The following ADCY8 variants were observed in gnomAD, a reference collection of about 807,000 sequenced individuals.
The protein encoded by ADCY8 is adenylate cyclase 8, also known as adenylate cyclase type 8.
Under a neutral mutation model 119.7 loss-of-function variants are expected in ADCY8, and 51 were observed. The observed-to-expected ratio is 0.43, with a 90% confidence interval of 0.34 to 0.54. ADCY8 has a LOEUF of 0.54. ADCY8 is among the 20% of genes least tolerant of loss of function. ADCY8 has a pLI of 0.03. For missense variants in ADCY8, 1,383 were observed against 1,598.8 expected (o/e 0.87, Z 2.30); for synonymous variants, 665 against 651.0 (o/e 1.02, Z -0.33).
At chr8:130,981,417 A>G (rs1327450991) in intron 2 of ADCY8, among the ~76,000 whole-genome samples, 1 of 152,194 alleles carries the variant, frequency 6.6e-6, no homozygotes, top group Non-Finnish European at 1.5e-5. Context: ...AGTGCCTTCA[A>G]CTGTATCAAG....
chr8:130,973,029 C>T (rs1217858636), intron 2 of ADCY8, among the ~76,000 whole-genome samples: 1 of 152,118 alleles, frequency 6.6e-6, no homozygotes, highest in East Asian at 1.9e-4. Flanking sequence ...AAACCCTTAA[C>T]ATGAAACAGA....
intron 14 of ADCY8, among the ~76,000 whole-genome samples, chr8:130,802,116 C>T (rs1378504427): frequency 1.3e-5 from 2 of 152,108 alleles, no homozygotes; most frequent in Non-Finnish European, 2.9e-5. Flanking sequence ...CCCTCACCCT[C>T]CTCCAATCAC....
At chr8:130,988,189 A>G (rs141789933) in intron 2 of ADCY8, among the ~76,000 whole-genome samples, 271 of 152,338 alleles carry the variant, frequency 1.8e-3, no homozygotes, top group African/African-American at 6.0e-3. Context: ...CTGTCCGTCT[A>G]TTACTGAGGA....
intron 13 of ADCY8, among the ~76,000 whole-genome samples, chr8:130,820,688 T>G (rs1400009123): frequency 6.6e-6 from 1 of 152,210 alleles, no homozygotes; most frequent in Non-Finnish European, 1.5e-5. Flanking sequence ...TTTTGTACAG[T>G]TCTGCCCACA....
At chr8:130,826,256 A>G (rs1484772827) in intron 12 of ADCY8, among the ~76,000 whole-genome samples, 1 of 152,242 alleles carries the variant, frequency 6.6e-6, no homozygotes, top group African/African-American at 2.4e-5. Flanking sequence ...ATGATAAATT[A>G]GAAAGAGACA....
intron 7 of ADCY8, among the ~76,000 whole-genome samples, chr8:130,889,063 T>C (rs1313998692): frequency 4.6e-5 from 7 of 152,140 alleles, no homozygotes; most frequent in African/African-American, 1.7e-4. Flanking sequence ...GCTTACATAG[T>C]TACAGCACTG....
chr8:130,856,137 C>T (rs532488737), intron 9 of ADCY8, among the ~76,000 whole-genome samples: 30 of 152,120 alleles, frequency 2.0e-4, no homozygotes, highest in African/African-American at 7.2e-4. Flanking sequence ...TCACTGTCAT[C>T]TCCTCTGGGA....
chr8:130,837,607 A>G (rs1817028286), intron 11 of ADCY8, among the ~76,000 whole-genome samples: 1 of 152,226 alleles, frequency 6.6e-6, no homozygotes, highest in African/African-American at 2.4e-5. Context: ...CTACCCCACC[A>G]GATTTCAGCC....
At chr8:130,826,441 C>T (rs1816669865) in intron 12 of ADCY8, among the ~76,000 whole-genome samples, 1 of 152,074 alleles carries the variant, frequency 6.6e-6, no homozygotes, top group Admixed American at 6.6e-5. Flanking sequence ...ATCTTTTCTC[C>T]ACCACATGGC....
chr8:130,981,774 A>G (rs1358704278), intron 2 of ADCY8, among the ~76,000 whole-genome samples: 3 of 152,234 alleles, frequency 2.0e-5, no homozygotes, highest in Admixed American at 6.5e-5. Context: ...TGTTGTTACT[A>G]GAATCAGAAT....
chr8:131,030,357 C>T (rs947172698), intron 1 of ADCY8, among the ~76,000 whole-genome samples: 8 of 152,200 alleles, frequency 5.3e-5, no homozygotes, highest in Middle Eastern at 3.2e-3. Context: ...TCCTTTTGCA[C>T]GCTCTTCTTT....
intron 1 of ADCY8, among the ~76,000 whole-genome samples, chr8:130,996,696 A>ATTTTT (rs1822787860): frequency 1.3e-5 from 2 of 152,156 alleles, no homozygotes; most frequent in African/African-American, 4.8e-5. Flanking sequence ...AATGGATTAG[A>ATTTTT]GCTAAATGTG....
intron 14 of ADCY8, among the ~76,000 whole-genome samples, chr8:130,800,797 C>T (rs972746571): frequency 5.9e-5 from 9 of 152,194 alleles, no homozygotes; most frequent in East Asian, 1.9e-4. Context: ...ATTTATTTCT[C>T]ACAGTTCTGG....
At chr8:130,856,669 T>C (rs554344876) in intron 9 of ADCY8, among the ~76,000 whole-genome samples, 1 of 152,306 alleles carries the variant, frequency 6.6e-6, no homozygotes, top group Admixed American at 6.5e-5. Flanking sequence ...TCGACATACA[T>C]AGCATATACA....
chr8:130,873,318 C>T (rs900421344), intron 8 of ADCY8, among the ~76,000 whole-genome samples: 15 of 152,020 alleles, frequency 9.9e-5, no homozygotes, highest in Admixed American at 7.9e-4. Context: ...TAACTGTACT[C>T]TGTCTTTTTT....
chr8:130,990,612 A>G, intron 1 of ADCY8, 70 bp from the exon 2 acceptor site: 1 of 1,553,472 alleles, frequency 6.4e-7, no homozygotes. Context: ...AAATACACAA[A>G]TAAATATGAA....
chr8:130,999,455 T>A (rs1563762021), intron 1 of ADCY8, among the ~76,000 whole-genome samples: 2 of 152,064 alleles, frequency 1.3e-5, no homozygotes. Context: ...AGAGCCAGCT[T>A]CCCCATTGAT....
intron 14 of ADCY8, among the ~76,000 whole-genome samples, chr8:130,802,990 CTAATCGGATGATGCATCAT>C (rs1329545050): frequency 1.9e-4 from 29 of 152,218 alleles, no homozygotes; most frequent in African/African-American, 7.0e-4. Context: ...ACAGAGGTAA[CTAATCGGATGATGCATCAT>C]TTATCGGTTG....
At chr8:131,001,523 C>T (rs943675011) in intron 1 of ADCY8, among the ~76,000 whole-genome samples, 3 of 149,698 alleles carry the variant, frequency 2.0e-5, no homozygotes, top group Non-Finnish European at 4.4e-5. Context: ...ACTATATATA[C>T]GTGTGTGTAT....
Sources: allele counts gnomAD v4.1 joint callset (sites outside exome capture counted in the v4.1 genomes callset), GRCh38; gene constraint gnomAD v4.1.1; transcripts MANE v1.5; gene names NCBI Gene and HGNC (gene_info 2026-07-23, HGNC 2026-07-21).